SLC7A14: variants seen among roughly 807,000 people sequenced by gnomAD.
SLC7A14 encodes solute carrier family 7 member 14, also known as gamma-aminobutyric acid transporter SLC7A14.
In SLC7A14, 37 loss-of-function variants were observed where a neutral mutation model predicts 60.2. That is an observed-to-expected ratio of 0.61 (90% CI 0.47 to 0.81). The LOEUF is 0.81. Ranked by LOEUF, SLC7A14 falls within the 30% of genes least tolerant of loss-of-function variation. SLC7A14 has a pLI of 0.00. For synonymous variants in SLC7A14, 399 were observed against 395.8 expected (o/e 1.01, Z -0.10); for missense variants, 886 against 982.7 (o/e 0.90, Z 1.32).
chr3:170,486,373 G>A lies in SLC7A14; in HGVS notation c.760-5C>T. On this transcript the variant is annotated splice_region_variant and splice_polypyrimidine_tract_variant and intron_variant, in intron 4 of 7. Transcript: ENST00000231706. ...TGTTGCTGCTCCTTGCAGCACCTGT[G>A]TGGATGATGGCATTTGTCAGACTCA... 1 of 1,614,190 alleles carries A rather than the reference G, an allele frequency of 6.2e-7. No individual in the cohort carries two copies. The highest frequency in any genetic ancestry group is 8.5e-7 in the Non-Finnish European group (1 of 1,180,028).
At position 170,466,414 on chromosome 3, in the gene SLC7A14, A is replaced by G. The variant is rs541179712; in HGVS notation, c.*641T>C. On this transcript the variant is annotated 3_prime_UTR_variant, in exon 8 of 8. Transcript: ENST00000231706. ...CTTTGATGGTGCTTCTTACCATATC[A>G]CTGGGTCTGCCTGACTGCTTTATGG... is the stretch of plus-strand genomic sequence containing the variant. 1 of 152,312 alleles carries G rather than the reference A, an allele frequency of 6.6e-6. No individual in the cohort carries two copies. The highest frequency in any genetic ancestry group is 2.4e-5 in the African/African-American group (1 of 41,558). The allele number at this position is 152,312 out of a possible 1,614,324, so 9.4% of individuals were successfully genotyped here. A position where few individuals can be genotyped will look rare whatever the true frequency, so the allele number is the denominator to read the frequency against.
intron 1 of SLC7A14, among the ~76,000 whole-genome samples, chr3:170,556,272 A>C (rs750129568): frequency 6.6e-6 from 1 of 152,202 alleles, no homozygotes; most frequent in Non-Finnish European, 1.5e-5. Context: ...TTATATGGCA[A>C]ATTCATTTTC....
chr3:170,557,602 GGC>G (rs1342538774), intron 1 of SLC7A14, among the ~76,000 whole-genome samples: 2 of 152,156 alleles, frequency 1.3e-5, no homozygotes, highest in African/African-American at 4.8e-5. Context: ...GTGGAGACCT[GGC>G]ATCCAAACCT....
intron 2 of SLC7A14, among the ~76,000 whole-genome samples, chr3:170,515,480 C>T (rs751917980): frequency 6.6e-6 from 1 of 151,998 alleles, no homozygotes; most frequent in African/African-American, 2.4e-5. Flanking sequence ...CTTTCAGCAA[C>T]CTGTTTGGAA....
At chr3:170,573,475 C>T (rs1263208939) in intron 1 of SLC7A14, among the ~76,000 whole-genome samples, 1 of 152,232 alleles carries the variant, frequency 6.6e-6, no homozygotes, top group Non-Finnish European at 1.5e-5. Context: ...GCTGATCTAT[C>T]TTCATTGCCT....
chr3:170,516,719 A>T (rs180790555), intron 2 of SLC7A14, among the ~76,000 whole-genome samples: 12 of 152,270 alleles, frequency 7.9e-5, no homozygotes, highest in African/African-American at 2.4e-4. Flanking sequence ...GGGAGCCATG[A>T]TCATGCCACT....
intron 7 of SLC7A14, among the ~76,000 whole-genome samples, chr3:170,470,016 T>A (rs963029877): frequency 2.0e-5 from 3 of 152,074 alleles, no homozygotes; most frequent in African/African-American, 7.2e-5. Flanking sequence ...TCTAAAAACC[T>A]TGAGTCATAG....
chr3:170,550,747 CCTGACCT>C (rs1028541199), intron 1 of SLC7A14, among the ~76,000 whole-genome samples: 1 of 151,784 alleles, frequency 6.6e-6, no homozygotes, highest in Admixed American at 6.6e-5. Context: ...GTCTCGAACT[CCTGACCT>C]CAGGTGATCT....
chr3:170,561,760 C>A (rs575963409), intron 1 of SLC7A14, among the ~76,000 whole-genome samples: 5 of 152,208 alleles, frequency 3.3e-5, no homozygotes, highest in African/African-American at 1.2e-4. Flanking sequence ...GGACTAATAT[C>A]CAGAATCTAC....
intron 1 of SLC7A14, among the ~76,000 whole-genome samples, chr3:170,567,378 T>C (rs1714824849): frequency 6.7e-6 from 1 of 149,822 alleles, no homozygotes; most frequent in Non-Finnish European, 1.5e-5. Context: ...ATGGTGTATA[T>C]GTGCCACATT....
intron 1 of SLC7A14, among the ~76,000 whole-genome samples, chr3:170,564,070 C>T (rs755842035): frequency 1.1e-4 from 17 of 152,184 alleles, no homozygotes; most frequent in Non-Finnish European, 2.1e-4. Context: ...TGAGTCACTA[C>T]CCCTTTAAAC....
rs191960163 is a variant in SLC7A14, at chr3:170,549,460, C to T, written c.-152-22372G>A. 3.1e-3 allele frequency among the ~76,000 whole-genome samples: 470 copies of T among 152,250 alleles called. 3 individuals carry two copies. Among genetic ancestry groups the T allele is most frequent in the African/African-American group, 0.011 (450 of 41,546 alleles). ...AATCTCCCGACCTTGTGATTGCACCCGCCTCGGCCTCCCAAAGTGCTGGGA... is the reference window on the plus strand; with the variant it reads ...AATCTCCCGACCTTGTGATTGCACCTGCCTCGGCCTCCCAAAGTGCTGGGA... On this transcript the variant is annotated intron_variant, in intron 1 of 7. Transcript: ENST00000231706.
chr3:170,517,679 C>A (rs1713209936), intron 2 of SLC7A14, among the ~76,000 whole-genome samples: 1 of 152,130 alleles, frequency 6.6e-6, no homozygotes, highest in Non-Finnish European at 1.5e-5. Context: ...TTGCAAGAAC[C>A]AGCCCAGGAG....
rs116371413 is a variant in SLC7A14, at chr3:170,479,905, A to T, written c.1993+384T>A. 8.2e-3 allele frequency among the ~76,000 whole-genome samples: 1,249 copies of T among 152,316 alleles called. 26 individuals are homozygous for T. Among genetic ancestry groups the T allele is most frequent in the African/African-American group, 0.028 (1,180 of 41,580 alleles). ...GAAATCTAAGATAGTTTTTCATTTT[A>T]CAATTCTTAGTTTCTATGATAAAAT... On this transcript the variant is annotated intron_variant, in intron 7 of 7. Coordinates refer to ENST00000231706, the MANE Select transcript of SLC7A14 (RefSeq NM_020949.3).
intron 1 of SLC7A14, among the ~76,000 whole-genome samples, chr3:170,565,444 G>A (rs542391817): frequency 6.6e-6 from 1 of 152,286 alleles, no homozygotes; most frequent in East Asian, 1.9e-4. Context: ...GTGTTCATGT[G>A]CATGTGTCCA....
In SLC7A14 at chr3:170,526,618, C is replaced by T. The variant is rs200642006; in HGVS notation, c.304+15G>A. On this transcript the variant is annotated intron_variant, in intron 2 of 7. Transcript: ENST00000231706. ...GCACACTTTCCACAGTACTTCCCTG[C>T]ATGGAGACACTTACCTGATAATATG... 19 of 1,611,588 alleles carry T rather than the reference C, an allele frequency of 1.2e-5. No individual in the cohort carries two copies. The highest frequency in any genetic ancestry group is 1.7e-5 in the Admixed American group (1 of 59,940).
chr3:170,565,202 G>A (rs1714759524), intron 1 of SLC7A14, among the ~76,000 whole-genome samples: 3 of 152,102 alleles, frequency 2.0e-5, no homozygotes, highest in Admixed American at 1.3e-4. Context: ...GGTAGAGTAG[G>A]GTAGCATGGT....
Position 170,480,728 on chromosome 3 carries a change from T to C in SLC7A14, c.1554A>G (p.Thr518=), listed in dbSNP as rs767355958. 1 of 1,614,252 alleles carries C rather than the reference T, an allele frequency of 6.2e-7. No individual in the cohort carries two copies. The highest frequency in any genetic ancestry group is 2.2e-5 in the East Asian group (1 of 44,886). Reference sequence around the variant, plus strand: ...TTTCGGATTCATCAGCTTCTATGCCTGTGGTCATGTCCACGGTGCCGTAAT... The same window carrying C: ...TTTCGGATTCATCAGCTTCTATGCCCGTGGTCATGTCCACGGTGCCGTAAT... The part of the protein sequence containing the change: ...HPNYGTVDMT[T]GIEADESENI... The change falls in exon 7 of 8, where the codon ACA becomes ACG. Residue 518 remains threonine, a synonymous_variant. Transcript: ENST00000231706.
At chr3:170,510,425 G>T (rs1445152924) in intron 2 of SLC7A14, among the ~76,000 whole-genome samples, 3 of 146,206 alleles carry the variant, frequency 2.1e-5, no homozygotes, top group East Asian at 2.0e-4. Flanking sequence ...AATAAATAAA[G>T]AATGTAACCA....
Sources: allele counts gnomAD v4.1 joint callset (sites outside exome capture counted in the v4.1 genomes callset), GRCh38; gene constraint gnomAD v4.1.1; transcripts MANE v1.5; gene names NCBI Gene and HGNC (gene_info 2026-07-23, HGNC 2026-07-21).